The following MAP4 variants were observed in gnomAD, a reference collection of about 807,000 sequenced individuals.
MAP4 encodes microtubule associated protein 4.
In MAP4, 76 loss-of-function variants were observed where a neutral mutation model predicts 170.2. The observed-to-expected ratio is 0.45, with a 90% CI of 0.37 to 0.54. The LOEUF (loss-of-function observed/expected upper bound fraction) is 0.54, where lower values mean the gene tolerates loss of function less well. Among genes scored for constraint, MAP4 ranks in the 20% least tolerant of loss-of-function variants. The probability of loss-of-function intolerance (pLI) is 0.00; values close to 1 mark genes in which losing one functional copy is unlikely to be tolerated. For missense variants in MAP4, 2,506 were observed against 2,748.0 expected (o/e 0.91, Z 1.97); for synonymous variants, 909 against 994.5 (o/e 0.91, Z 1.62).
chr3:47,987,268 A>G, intron 2 of MAP4: 2 of 702,774 alleles, frequency 2.8e-6, no homozygotes, highest in South Asian at 7.6e-5. Flanking sequence ...GCAGTAAACA[A>G]AATATTATTC....
intron 2 of MAP4, among the ~76,000 whole-genome samples, chr3:47,989,257 ATT>A (rs1005914170): frequency 1.3e-5 from 2 of 152,210 alleles, no homozygotes; most frequent in Non-Finnish European, 2.9e-5. Context: ...TTTAAAAAAT[ATT>A]GTTTTAATTG....
chr3:48,065,533 T>C (rs560986786), intron 1 of MAP4, among the ~76,000 whole-genome samples: 15 of 152,306 alleles, frequency 9.8e-5, no homozygotes, highest in African/African-American at 3.6e-4. Context: ...CCCCACCATA[T>C]ACCTCTCCAA....
intron 2 of MAP4, among the ~76,000 whole-genome samples, chr3:47,989,556 A>T (rs1267040865): frequency 6.6e-6 from 1 of 152,258 alleles, no homozygotes; most frequent in Non-Finnish European, 1.5e-5. Flanking sequence ...AAGAAACTTT[A>T]CTAGAATAAA....
intron 1 of MAP4, among the ~76,000 whole-genome samples, chr3:48,028,923 G>A (rs145632071): frequency 0.043 from 6,440 of 151,352 alleles, 304 homozygotes; most frequent in Admixed American, 0.13. Flanking sequence ...CGGGCAGATC[G>A]CTTGAGCCCA....
At chr3:47,977,004 G>C (rs1196354154) in intron 3 of MAP4, among the ~76,000 whole-genome samples, 1 of 152,154 alleles carries the variant, frequency 6.6e-6, no homozygotes, top group Admixed American at 6.6e-5. Context: ...GAGAAATACA[G>C]AAATATGACA....
rs1348873223 is a variant in MAP4 at position 47,917,113 on chromosome 3, T to A, written c.714A>T (p.Ala238=). The stretch of plus-strand genomic sequence containing the variant: ...TCTTCAGTCCCATCATTATTTCCAA[T>A]GCTTGTGCTGGTGGCCTCTCTTCTG... ...MASEERPPAQ[A]LEIMMGLKTT... Residue 238 remains alanine, a synonymous_variant, in exon 7 of 21, where the codon GCA becomes GCT. Coordinates refer to ENST00000683076, the MANE Select transcript of MAP4 (RefSeq NM_001385682.1). The A allele has an allele frequency of 6.2e-7, 1 of 1,614,186 alleles. No individual in the cohort carries two copies.
intron 1 of MAP4, among the ~76,000 whole-genome samples, chr3:48,012,285 C>T (rs867771327): frequency 6.6e-6 from 1 of 152,148 alleles, no homozygotes; most frequent in African/African-American, 2.4e-5. Flanking sequence ...GCTTTCCTTT[C>T]GATTAATAGA....
intron 3 of MAP4, among the ~76,000 whole-genome samples, chr3:47,962,265 CT>C (rs2100072016): frequency 1.3e-5 from 2 of 152,228 alleles, no homozygotes; most frequent in African/African-American, 4.8e-5. Flanking sequence ...ATAAAAGTTT[CT>C]TTCTCTCACT....
chr3:48,084,071 C>T (rs945325970), intron 1 of MAP4, among the ~76,000 whole-genome samples: 12 of 151,580 alleles, frequency 7.9e-5, no homozygotes, highest in Admixed American at 4.6e-4. Flanking sequence ...AATAGCTGGT[C>T]GCAGCGGGAG....
intron 10 of MAP4, among the ~76,000 whole-genome samples, chr3:47,900,972 A>G (rs1283511200): frequency 6.6e-6 from 1 of 152,070 alleles, no homozygotes; most frequent in Non-Finnish European, 1.5e-5. Flanking sequence ...CTTTTCCCCA[A>G]TTTCATCTCA....
intron 3 of MAP4, among the ~76,000 whole-genome samples, chr3:47,948,771 C>A (rs985709997): frequency 6.6e-6 from 1 of 152,034 alleles, no homozygotes; most frequent in African/African-American, 2.4e-5. Flanking sequence ...CAGGTGCCCG[C>A]CACCATACCC....
intron 3 of MAP4, among the ~76,000 whole-genome samples, chr3:47,949,776 G>A (rs2054085358): frequency 6.6e-6 from 1 of 152,142 alleles, no homozygotes; most frequent in Admixed American, 6.5e-5. Flanking sequence ...GAATACTACA[G>A]GAGGAAGAGG....
At chr3:48,042,780 A>C (rs910579596) in intron 1 of MAP4, among the ~76,000 whole-genome samples, 1 of 152,224 alleles carries the variant, frequency 6.6e-6, no homozygotes, top group Admixed American at 6.5e-5. Flanking sequence ...ATGATAAATA[A>C]AATGAGGTAC....
At chr3:48,035,329 C>T (rs2100118297) in intron 1 of MAP4, among the ~76,000 whole-genome samples, 1 of 149,242 alleles carries the variant, frequency 6.7e-6, no homozygotes, top group African/African-American at 2.5e-5. Context: ...GAAACTCCAA[C>T]CCATATAAAA....
intron 1 of MAP4, among the ~76,000 whole-genome samples, chr3:48,060,730 G>C (rs377728640): frequency 6.6e-6 from 1 of 151,498 alleles, no homozygotes; most frequent in Non-Finnish European, 1.5e-5. Flanking sequence ...CCTGGGCAAC[G>C]TGTCGAAACC....
At chr3:47,952,727 A>T (rs1028280211) in intron 3 of MAP4, among the ~76,000 whole-genome samples, 1 of 152,106 alleles carries the variant, frequency 6.6e-6, no homozygotes, top group Non-Finnish European at 1.5e-5. Flanking sequence ...GTTCGAGACC[A>T]GCCTGGCCAA....
Position 47,872,742 on chromosome 3 carries a change from A to G in MAP4, c.5758-642T>C, listed in dbSNP as rs78151208. On this transcript the variant is annotated intron_variant, in intron 12 of 20. Transcript: ENST00000683076. ...TTTGCCTCCAAATCTACTGCTATATATATCATACACACACACACACGCATA... is the reference window on the plus strand; with the variant it reads ...TTTGCCTCCAAATCTACTGCTATATGTATCATACACACACACACACGCATA... 4.2e-3 allele frequency among the ~76,000 whole-genome samples: 644 copies of G among 152,308 alleles called. 7 individuals carry two copies. The highest frequency in any genetic ancestry group is 0.015 in the African/African-American group (611 of 41,554).
intron 1 of MAP4, among the ~76,000 whole-genome samples, chr3:48,027,153 G>A (rs2154498700): frequency 1.3e-5 from 2 of 152,290 alleles, no homozygotes; most frequent in South Asian, 2.1e-4. Context: ...ACTTCCTGAA[G>A]TCTCCAACTC....
In MAP4 at chr3:47,906,268, G is replaced by A. The variant is rs116325341; in HGVS notation, c.5383+2770C>T. Among the ~76,000 whole-genome samples, 617 of 152,058 alleles carry A rather than the reference G, an allele frequency of 4.1e-3. 6 individuals are homozygous for A. Among genetic ancestry groups the A allele is most frequent in the African/African-American group, 0.014 (595 of 41,454 alleles). ...TCTTCAAACCAGAGATTCTTACTCC[G>A]GAGCCCCTTTTTATTACACAGACGC... On this transcript the variant is annotated intron_variant, in intron 9 of 20. Transcript: ENST00000683076.
Sources: gnomAD v4.1 joint callset for allele counts (sites outside exome capture counted in the v4.1 genomes callset) on GRCh38, gnomAD v4.1.1 for gene constraint, MANE v1.5 for transcripts, NCBI Gene and HGNC (gene_info 2026-07-23, HGNC 2026-07-21) for gene names.